The following MTARC1 variants were observed in gnomAD, a reference collection of about 807,000 sequenced individuals.
MTARC1 encodes the protein mitochondrial amidoxime reducing component 1.
Under a neutral mutation model 33.6 loss-of-function variants are expected in MTARC1, and 24 were observed. The observed-to-expected ratio is 0.72, with a 90% CI of 0.52 to 1.01. The LOEUF is 1.01. Ranked by LOEUF, MTARC1 falls within the 50% of genes least tolerant of loss-of-function variation. MTARC1 has a pLI of 0.00. For synonymous variants in MTARC1, 187 were observed against 189.5 expected (o/e 0.99, Z 0.11); for missense variants, 417 against 445.7 (o/e 0.94, Z 0.58).
chr1:220,791,998 G>A (rs957930942), intron 2 of MTARC1, among the ~76,000 whole-genome samples: 3 of 152,144 alleles, frequency 2.0e-5, no homozygotes, highest in Non-Finnish European at 4.4e-5. Flanking sequence ...GGGGGCGAGT[G>A]TCCTAGCAGA....
intron 6 of MTARC1, among the ~76,000 whole-genome samples, chr1:220,810,231 T>C (rs796170717): frequency 3.9e-4 from 60 of 152,320 alleles, no homozygotes; most frequent in African/African-American, 1.4e-3. Flanking sequence ...AGAAGACCCA[T>C]GTATGAAAGA....
In MTARC1 at chr1:220,805,257, G is replaced by T. The variant is rs374227225; in HGVS notation, c.870G>T (p.Pro290=). The T allele has an allele frequency of 5.0e-5, 81 of 1,613,136 alleles. No homozygotes were observed. The highest frequency in any genetic ancestry group is 6.2e-5 in the Non-Finnish European group (73 of 1,180,038). The stretch of plus-strand genomic sequence containing the variant: ...CCGGTGTCATGAGCAGGAAGGAACC[G>T]CTGGAAACACTGAAGAGGTAGGACT... The part of the protein sequence containing the change: ...PDTGVMSRKE[P]LETLKSYRQC... The change falls in exon 6 of 7, where the codon CCG becomes CCT. Residue 290 remains proline, a synonymous_variant. Transcript: ENST00000366910.
At chr1:220,788,436 T>C (rs764191362) in intron 1 of MTARC1, among the ~76,000 whole-genome samples, 1 of 152,158 alleles carries the variant, frequency 6.6e-6, no homozygotes, top group Non-Finnish European at 1.5e-5. Flanking sequence ...CATGACATAG[T>C]TGAAAGGTGA....
chr1:220,798,109 C>T, intron 4 of MTARC1, 95 bp downstream of exon 4: 1 of 1,610,786 alleles, frequency 6.2e-7, no homozygotes, highest in Non-Finnish European at 8.5e-7. Flanking sequence ...CTGAAGGGTG[C>T]ATTATTTATC....
In MTARC1 at chr1:220,796,661, A is replaced by G. The variant is rs751610646; in HGVS notation, c.468A>G (p.Ile156Met). 6.2e-7 allele frequency: 1 copy of G among 1,601,026 alleles called. No individual in the cohort carries two copies. Among genetic ancestry groups the G allele is most frequent in the Non-Finnish European group, 8.5e-7 (1 of 1,174,884 alleles). Residue 156 changes from isoleucine (I) to methionine (M), a missense_variant, in exon 3 of 7, where the codon ATA (isoleucine) becomes ATG (methionine). Transcript: ENST00000366910. ...CCTGCAGAGTGCACGGCCTGGAGAT[A>G]GAGGGCAGGGACTGTGGCGAGGCCA... ...VHKCRVHGLE[I>M]EGRDCGEATA...
chr1:220,791,734 T>C, intron 2 of MTARC1, 70 bp downstream of exon 2: 1 of 1,532,728 alleles, frequency 6.5e-7, no homozygotes, highest in Admixed American at 1.8e-5. Flanking sequence ...GCATAAACTC[T>C]AGAGGGAATG....
intron 4 of MTARC1, 149 bp from the exon 5 acceptor site, chr1:220,804,903 C>T (rs1672924921): frequency 2.4e-6 from 2 of 825,390 alleles, no homozygotes; most frequent in African/African-American, 1.7e-5. Flanking sequence ...GTGGGTATCA[C>T]TTGGCAGAGC....
intron 6 of MTARC1, among the ~76,000 whole-genome samples, chr1:220,809,985 C>CTGTG (rs553711312): frequency 6.6e-6 from 1 of 152,212 alleles, no homozygotes; most frequent in Non-Finnish European, 1.5e-5. Context: ...GATCAGCCCT[C>CTGTG]TGTGGTGCAC....
chr1:220,799,021 G>A, intron 4 of MTARC1: 1 of 985,394 alleles, frequency 1.0e-6, no homozygotes, highest in Non-Finnish European at 1.2e-6. Context: ...GCATGACTTT[G>A]AGCAGCCCCG....
Position 220,815,089 on chromosome 1 carries a change from A to G in MTARC1, c.*1671A>G, listed in dbSNP as rs1367930354. ...AGGTGAATAATTACATCAATTTTCCAGAGAACCTGGGCCATCACCTTCCCC... is the reference window on the plus strand; with the variant it reads ...AGGTGAATAATTACATCAATTTTCCGGAGAACCTGGGCCATCACCTTCCCC... On this transcript the variant is annotated 3_prime_UTR_variant, in exon 7 of 7. Transcript: ENST00000366910. The G allele has an allele frequency of 2.0e-5, 3 of 152,262 alleles. No homozygotes were observed. Among genetic ancestry groups the G allele is most frequent in the African/African-American group, 4.8e-5 (2 of 41,462 alleles). The allele number at this position is 152,262 out of a possible 1,614,324, so 9.4% of individuals were successfully genotyped here. A position where few individuals can be genotyped will look rare whatever the true frequency, so the allele number is the denominator to read the frequency against.
chr1:220,802,661 TC>T (rs554823702), intron 4 of MTARC1, among the ~76,000 whole-genome samples: 300 of 152,328 alleles, frequency 2.0e-3, no homozygotes, highest in Middle Eastern at 0.01. Context: ...CTTCACAGTT[TC>T]TATCCAGGGC....
intron 4 of MTARC1, chr1:220,798,325 G>A: frequency 8.1e-7 from 1 of 1,241,870 alleles, no homozygotes; most frequent in South Asian, 1.5e-5. Flanking sequence ...ATCTGTGTGG[G>A]CCATGGAACA....
intron 4 of MTARC1, among the ~76,000 whole-genome samples, chr1:220,801,603 T>C (rs1672809279): frequency 6.6e-6 from 1 of 152,164 alleles, no homozygotes; most frequent in Non-Finnish European, 1.5e-5. Flanking sequence ...AATGGCCATC[T>C]TGCAGTGCTG....
intron 4 of MTARC1, among the ~76,000 whole-genome samples, chr1:220,801,772 AG>A (rs1020222484): frequency 2.0e-4 from 31 of 152,238 alleles, no homozygotes; most frequent in African/African-American, 7.0e-4. Flanking sequence ...AGGCGGGGCC[AG>A]GGTGCAGCTG....
At chr1:220,789,054 A>G (rs1213430907) in intron 1 of MTARC1, among the ~76,000 whole-genome samples, 1 of 143,174 alleles carries the variant, frequency 7.0e-6, no homozygotes, top group Non-Finnish European at 1.5e-5. Context: ...CTAGGTTGTG[A>G]CTAGACTAAA....
Position 220,796,779 on chromosome 1 carries a change from G to A in MTARC1, c.586G>A (p.Ala196Thr). ...HMRPRRPHQIADLFRPKDQIA... is the reference protein window; with the variant it reads ...HMRPRRPHQITDLFRPKDQIA... ...GCGACCGAGACGTCCTCATCAAATAGCAGACTTGTTCCGACCCAAGGACCA... is the reference window on the plus strand; with the variant it reads ...GCGACCGAGACGTCCTCATCAAATAACAGACTTGTTCCGACCCAAGGACCA... The change falls in exon 3 of 7, where the codon GCA becomes ACA. Residue 196 changes from alanine to threonine, a missense_variant. Transcript: ENST00000366910. 6.2e-7 allele frequency: 1 copy of A among 1,612,000 alleles called. No homozygotes were observed. Among genetic ancestry groups the A allele is most frequent in the Non-Finnish European group, 8.5e-7 (1 of 1,179,080 alleles).
intron 4 of MTARC1, among the ~76,000 whole-genome samples, chr1:220,802,202 T>C (rs1423886608): frequency 6.6e-6 from 1 of 152,178 alleles, no homozygotes; most frequent in Non-Finnish European, 1.5e-5. Flanking sequence ...CATAGGTCCC[T>C]CAAATGTCCA....
chr1:220,788,407 C>A (rs1672309907), intron 1 of MTARC1, among the ~76,000 whole-genome samples: 1 of 152,162 alleles, frequency 6.6e-6, no homozygotes, highest in African/African-American at 2.4e-5. Context: ...CCTACCAGCT[C>A]CCCAGACAGA....
chr1:220,791,814 A>G (rs1672432047), intron 2 of MTARC1, 150 bp downstream of exon 2: 2 of 832,126 alleles, frequency 2.4e-6, no homozygotes, highest in Non-Finnish European at 3.5e-6. Flanking sequence ...CCTCAACATT[A>G]TGAAGATCTA....
Sources: gnomAD v4.1 joint callset for allele counts (sites outside exome capture counted in the v4.1 genomes callset) on GRCh38, gnomAD v4.1.1 for gene constraint, MANE v1.5 for transcripts, NCBI Gene and HGNC (gene_info 2026-07-23, HGNC 2026-07-21) for gene names.